Variants in HEATR6 observed in about 807,000 individuals in gnomAD.
HEATR6 encodes the protein HEAT repeat-containing protein 6.
In HEATR6, 106 loss-of-function variants were observed where a neutral mutation model predicts 132.8. The ratio of observed to expected loss-of-function variants is 0.80; its 90% CI spans 0.68 to 0.94. HEATR6 has a LOEUF of 0.94. HEATR6 is among the 40% of genes least tolerant of loss of function. HEATR6 has a pLI of 0.00. For synonymous variants in HEATR6, 529 were observed against 537.8 expected (o/e 0.98, Z 0.23); for missense variants, 1,339 against 1,425.1 (o/e 0.94, Z 0.97).
Position 60,073,862 on chromosome 17 carries a change from CCAAGTGCTGTT to C in HEATR6, c.341_351del (p.Glu114GlyfsTer15). The C allele has an allele frequency of 1.2e-6, 2 of 1,613,684 alleles. No homozygotes were observed. Among genetic ancestry groups the C allele is most frequent in the South Asian group, 2.2e-5 (2 of 90,966 alleles). On this transcript the variant is annotated frameshift_variant, in exon 3 of 20. Transcript: ENST00000184956. LOFTEE classifies it high-confidence loss of function. ...GAAATAGTATATGCCAACAGGAAATCCAAGTGCTGTTCATCAACAATTACCTAACAGGACAG... is the reference window on the plus strand; with the variant it reads ...GAAATAGTATATGCCAACAGGAAATCCATCAACAATTACCTAACAGGACAG...
Position 60,078,910 on chromosome 17 carries a change from G to C in HEATR6, c.5C>G (p.Ala2Gly). 2.2e-6 allele frequency: 2 copies of C among 925,724 alleles called. No homozygotes were observed. Among genetic ancestry groups the C allele is most frequent in the South Asian group, 1.4e-5 (1 of 71,214 alleles). The allele number at this position is 925,724 out of a possible 1,614,324, so 57.3% of individuals were successfully genotyped here. A position where few individuals can be genotyped will look rare whatever the true frequency, so the allele number is the denominator to read the frequency against. Residue 2 changes from alanine to glycine, a missense_variant, in exon 1 of 20, where the codon GCT becomes GGT. Coordinates refer to ENST00000184956, the MANE Select transcript of HEATR6 (RefSeq NM_022070.5). M[A>G]AVQVVGSWPS... The stretch of plus-strand genomic sequence containing the variant: ...CCACGAACCGACAACTTGCACAGCA[G>C]CCATCTTTTCTACGGGCGGGGGGGG...
chr17:60,071,189 AG>A (rs2083268414), intron 5 of HEATR6, among the ~76,000 whole-genome samples: 2 of 152,166 alleles, frequency 1.3e-5, no homozygotes, highest in Admixed American at 6.5e-5. Context: ...CTTAAAAGCA[AG>A]GGGATGTATG....
rs376151675 is a variant in HEATR6, at chr17:60,044,088, G to T, written c.3021C>A (p.Val1007=). ...TSQAYNALTS[V]VTSCKNFKVR... is the part of the protein sequence containing the mutation. Reference sequence around the variant, plus strand: ...CTTTGAAGTTCTTGCATGATGTCACGACCGATGTCAGGGCATTGTAGGCCT... The same window carrying T: ...CTTTGAAGTTCTTGCATGATGTCACTACCGATGTCAGGGCATTGTAGGCCT... Residue 1007 remains valine, a synonymous_variant, in exon 20 of 20, where the codon GTC becomes GTA. Transcript: ENST00000184956. 6.2e-7 allele frequency: 1 copy of T among 1,613,760 alleles called. No homozygotes were observed.
In HEATR6 at chr17:60,066,942, C is replaced by A. The variant is rs983657068; in HGVS notation, c.1238+492G>T. Among the ~76,000 whole-genome samples, 5 of 152,254 alleles carry A rather than the reference C, an allele frequency of 3.3e-5. 1 individual carries two copies. The highest frequency in any genetic ancestry group is 3.9e-4 in the East Asian group (2 of 5,180). On this transcript the variant is annotated intron_variant, in intron 8 of 19. Coordinates refer to ENST00000184956, the MANE Select transcript of HEATR6 (RefSeq NM_022070.5). ...AGACGAAAAGGCAAAAAAGAATATT[C>A]TAAGGAGAGGAATGACATGTGCAAT... is the stretch of plus-strand genomic sequence containing the variant.
intron 19 of HEATR6, 139 bp downstream of exon 19, chr17:60,045,886 C>T (rs1906348008): frequency 3.2e-6 from 2 of 630,112 alleles, no homozygotes; most frequent in Non-Finnish European, 5.6e-6. Context: ...TCAATGTCCC[C>T]CTAAACTTGT....
chr17:60,054,551 C>T (rs1370728254), intron 14 of HEATR6, among the ~76,000 whole-genome samples: 4 of 152,222 alleles, frequency 2.6e-5, no homozygotes, highest in African/African-American at 7.2e-5. Context: ...GCACTGGATG[C>T]GGGACATGGA....
chr17:60,066,219 G>A lies in HEATR6; in HGVS notation c.1406C>T (p.Pro469Leu). 6.2e-7 allele frequency: 1 copy of A among 1,611,550 alleles called. No homozygotes were observed. The highest frequency in any genetic ancestry group is 1.7e-5 in the Admixed American group (1 of 59,560). Residue 469 changes from proline (P) to leucine (L), a missense_variant, in exon 9 of 20, where the codon CCT (proline) becomes CTT (leucine). Pro to Leu is a moderately conservative substitution (Grantham distance 98, BLOSUM62 -3). Coordinates refer to ENST00000184956, the MANE Select transcript of HEATR6 (RefSeq NM_022070.5). ...TTTAAATTCTCTTACCTTTGGAGAA[G>A]GGTCTTTCAATGTAAGAGTCATCAA... ...VSLMTLTLKD[P>L]SPKTRACALQ... is the part of the protein sequence containing the mutation.
In HEATR6 at chr17:60,060,456, G is replaced by C. The variant is rs114676100; in HGVS notation, c.1417-360C>G. Among the ~76,000 whole-genome samples, 256 of 152,054 alleles carry C rather than the reference G, an allele frequency of 1.7e-3. 2 individuals are homozygous for C. Among genetic ancestry groups the C allele is most frequent in the Middle Eastern group, 6.8e-3 (2 of 294 alleles). On this transcript the variant is annotated intron_variant, in intron 9 of 19. Coordinates refer to ENST00000184956, the MANE Select transcript of HEATR6 (RefSeq NM_022070.5). Reference sequence around the variant, plus strand: ...CCACACCTGGCTAAAAAAAAATCTAGAAACCCATTGCTGTTAGGTGTTTTA... The same window carrying C: ...CCACACCTGGCTAAAAAAAAATCTACAAACCCATTGCTGTTAGGTGTTTTA...
rs1191406662 is a variant in HEATR6, at chr17:60,041,457, T to G, written c.*2106A>C. Among the ~76,000 whole-genome samples, 3 of 152,190 alleles carry G rather than the reference T, an allele frequency of 2.0e-5. No homozygotes were observed. The highest frequency in any genetic ancestry group is 2.1e-4 in the South Asian group (1 of 4,828). The stretch of plus-strand genomic sequence containing the variant: ...CTATGCCATATTTTTTTTTTCCTTT[T>G]TTGAAAATGCCAAGAAGCTACTACT... On this transcript the variant is annotated 3_prime_UTR_variant, in exon 20 of 20. Transcript: ENST00000184956.
intron 8 of HEATR6, 55 bp from the exon 9 acceptor site, chr17:60,066,441 A>T (rs1372685179): frequency 7.7e-7 from 1 of 1,302,922 alleles, no homozygotes; most frequent in Non-Finnish European, 1.1e-6. Flanking sequence ...TTTTTTAAAA[A>T]AAATGCAAAC....
chr17:60,066,862 G>A (rs1181023102), intron 8 of HEATR6, among the ~76,000 whole-genome samples: 1 of 152,190 alleles, frequency 6.6e-6, no homozygotes, highest in Non-Finnish European at 1.5e-5. Context: ...GGCAGAAAAG[G>A]CTTCCCGGGG....
At chr17:60,044,473 G>A (rs549939840) in intron 19 of HEATR6, among the ~76,000 whole-genome samples, 5 of 152,286 alleles carry the variant, frequency 3.3e-5, no homozygotes, top group East Asian at 1.9e-4. Context: ...TGGGCAGAGC[G>A]TGGACTGAAC....
At chr17:60,052,558 T>C (rs1906617885) in intron 14 of HEATR6, among the ~76,000 whole-genome samples, 1 of 152,190 alleles carries the variant, frequency 6.6e-6, no homozygotes, top group African/African-American at 2.4e-5. Flanking sequence ...CTCACTTCCC[T>C]GCACATGTTA....
chr17:60,065,930 C>T (rs1038834122), intron 9 of HEATR6, among the ~76,000 whole-genome samples: 8 of 152,200 alleles, frequency 5.3e-5, no homozygotes, highest in Admixed American at 3.9e-4. Context: ...AGAAGCACAG[C>T]TGCTTCAGTG....
chr17:60,049,117 CAG>C lies in HEATR6; in HGVS notation c.2547+461_2547+462del, dbSNP rs901754686. On this transcript the variant is annotated intron_variant, in intron 16 of 19. Coordinates refer to ENST00000184956, the MANE Select transcript of HEATR6 (RefSeq NM_022070.5). The stretch of plus-strand genomic sequence containing the variant: ...ATATATATGTAGAGAGAGAGAGAGA[CAG>C]AGAGTGTGTGTGTGTGTGTGTGTGT... 5.6e-4 allele frequency among the ~76,000 whole-genome samples: 69 copies of C among 123,274 alleles called. No individual in the cohort carries two copies. In the East Asian group the frequency reaches 0.016, roughly 29 times the overall value. The allele number at this position is 123,274 out of a possible 152,430, so 80.9% of individuals were successfully genotyped here.
intron 12 of HEATR6, 41 bp downstream of exon 12, chr17:60,057,007 G>C: frequency 7.0e-7 from 1 of 1,430,820 alleles, no homozygotes; most frequent in South Asian, 1.3e-5. Context: ...AAGGAGGAAT[G>C]GTTACTTCCA....
chr17:60,049,122 AGT>A lies in HEATR6; in HGVS notation c.2547+456_2547+457del, dbSNP rs531092208. On this transcript the variant is annotated intron_variant, in intron 16 of 19. Coordinates refer to ENST00000184956, the MANE Select transcript of HEATR6 (RefSeq NM_022070.5). ...TATGTAGAGAGAGAGAGAGACAGAGAGTGTGTGTGTGTGTGTGTGTGTGTGTG... is the reference window on the plus strand; with the variant it reads ...TATGTAGAGAGAGAGAGAGACAGAGAGTGTGTGTGTGTGTGTGTGTGTGTG... Among the ~76,000 whole-genome samples the A allele has an allele frequency of 6.9e-3, 927 of 134,506 alleles. 1 individual carries two copies. The highest frequency in any genetic ancestry group is 0.015 in the Middle Eastern group (4 of 270). 88.2% of individuals were successfully genotyped at this position (134,506 alleles called of 152,430 possible).
chr17:60,073,475 T>G (rs1405074987), intron 3 of HEATR6, among the ~76,000 whole-genome samples, 196 bp from the exon 4 acceptor site: 2 of 152,312 alleles, frequency 1.3e-5, no homozygotes, highest in East Asian at 3.9e-4. Context: ...CCAGCCTAGG[T>G]AGCTGCTGAT....
intron 10 of HEATR6, 29 bp downstream of exon 10, chr17:60,059,861 T>C (rs1196287664): frequency 1.9e-6 from 3 of 1,555,278 alleles, no homozygotes; most frequent in Non-Finnish European, 2.7e-6. Context: ...CAGAGAAGCC[T>C]GCTCTGGAAC....
Sources: gnomAD v4.1 joint callset for allele counts (sites outside exome capture counted in the v4.1 genomes callset) on GRCh38, gnomAD v4.1.1 for gene constraint, MANE v1.5 for transcripts, NCBI Gene and HGNC (gene_info 2026-07-23, HGNC 2026-07-21) for gene names.